DCAF8L2: variants seen among roughly 807,000 people sequenced by gnomAD.
DCAF8L2 encodes DDB1 and CUL4 associated factor 8 like 2.
For synonymous variants in DCAF8L2, 200 were observed against 190.9 expected, an observed-to-expected ratio of 1.05 and a Z score of -0.39; for missense variants, 430 against 490.7, an observed-to-expected ratio of 0.88 and a Z score of 1.17.
At chrX:27,590,777 T>A (rs1488095043) in intron 1 of DCAF8L2, among the ~76,000 whole-genome samples, 1 of 108,574 alleles carries the variant, frequency 9.2e-6, no homozygotes, top group Non-Finnish European at 1.9e-5. Flanking sequence ...ATAATTCATC[T>A]TATAATGTTA....
the DCAF8L2 span, among the ~76,000 whole-genome samples, chrX:27,493,202 C>T: frequency 8.9e-6 from 1 of 111,762 alleles, no homozygotes; most frequent in Non-Finnish European, 1.9e-5. Flanking sequence ...GATCACACCA[C>T]TGCAATCCAG....
chrX:27,651,039 T>A (rs188189328), intron 2 of DCAF8L2, among the ~76,000 whole-genome samples: 1 of 112,143 alleles, frequency 8.9e-6, no homozygotes, highest in Non-Finnish European at 1.9e-5. Context: ...TTTTACCACA[T>A]CTATTGAGAT....
intron 3 of DCAF8L2, among the ~76,000 whole-genome samples, chrX:27,695,132 C>A (rs974079054): frequency 8.9e-6 from 1 of 111,739 alleles, no homozygotes; most frequent in Non-Finnish European, 1.9e-5. Flanking sequence ...CTTAATTAAC[C>A]TCATGGTCCT....
chrX:27,571,020 C>G, the DCAF8L2 span, among the ~76,000 whole-genome samples: 1 of 111,863 alleles, frequency 8.9e-6, no homozygotes, highest in African/African-American at 3.2e-5. Flanking sequence ...TCCTACCTCT[C>G]TCTTATCCAT....
At chrX:27,533,603 G>A in the DCAF8L2 span, among the ~76,000 whole-genome samples, 1 of 111,510 alleles carries the variant, frequency 9.0e-6, no homozygotes, top group Non-Finnish European at 1.9e-5. Context: ...TGTACTTCAT[G>A]CTATGATACA....
the DCAF8L2 span, among the ~76,000 whole-genome samples, chrX:27,565,407 A>T: frequency 9.0e-6 from 1 of 111,587 alleles, no homozygotes; most frequent in Admixed American, 9.5e-5. Context: ...GATAAATTCC[A>T]TGTGGTCATG....
chrX:27,574,127 C>A, the DCAF8L2 span, among the ~76,000 whole-genome samples: 1 of 110,712 alleles, frequency 9.0e-6, no homozygotes, highest in African/African-American at 3.3e-5. Flanking sequence ...AGCCACCATG[C>A]CTGGCTTCAG....
chrX:27,570,970 T>C, the DCAF8L2 span, among the ~76,000 whole-genome samples: 2 of 111,440 alleles, frequency 1.8e-5, no homozygotes, highest in African/African-American at 6.5e-5. Context: ...TTTAGGAATA[T>C]CTGGTTTCAT....
intron 3 of DCAF8L2, among the ~76,000 whole-genome samples, chrX:27,702,657 T>G (rs1931175665): frequency 9.0e-6 from 1 of 111,025 alleles, no homozygotes; most frequent in Non-Finnish European, 1.9e-5. Flanking sequence ...TTCAACAACA[T>G]TTCATGATAA....
At chrX:27,580,282 A>G in the DCAF8L2 span, among the ~76,000 whole-genome samples, 1 of 111,434 alleles carries the variant, frequency 9.0e-6, no homozygotes, top group Non-Finnish European at 1.9e-5. Context: ...AATCAGGACT[A>G]TCTGTGCCCT....
Position 27,747,276 on chromosome X carries a change from G to GGAGAAA in DCAF8L2, c.384_385insAAAGAG (p.Glu128_Glu129insLysGlu). 1 of 1,091,716 alleles carries GGAGAAA rather than the reference G, an allele frequency of 9.2e-7. No homozygotes were observed. The allele number at this position is 1,091,716 out of a possible 1,213,427, so 90.0% of individuals were successfully genotyped here. On this transcript the variant is annotated inframe_insertion, in exon 5 of 5. Coordinates refer to ENST00000451261, the MANE Select transcript of DCAF8L2 (RefSeq NM_001353450.2). Reference sequence around the variant, plus strand: ...AGATACAAGAGGAGGGAGGGGAGGAGGAGGAAGAGGAGGAGGAGGAGGAGG... The same window carrying GGAGAAA: ...AGATACAAGAGGAGGGAGGGGAGGAGGAGAAAGAGGAAGAGGAGGAGGAGGAGGAGG...
intron 4 of DCAF8L2, among the ~76,000 whole-genome samples, chrX:27,744,107 A>G (rs771736700): frequency 8.3e-4 from 92 of 111,236 alleles, no homozygotes; most frequent in African/African-American, 2.9e-3. Context: ...GCTTCCTACT[A>G]CTTGCATGGG....
At chrX:27,707,200 G>A (rs1931372592) in intron 3 of DCAF8L2, among the ~76,000 whole-genome samples, 1 of 111,114 alleles carries the variant, frequency 9.0e-6, no homozygotes, top group Admixed American at 9.6e-5. Context: ...ATTAGATTGT[G>A]GTGATGGCTG....
At chrX:27,630,017 C>T (rs1165642554) in intron 1 of DCAF8L2, among the ~76,000 whole-genome samples, 1 of 111,473 alleles carries the variant, frequency 9.0e-6, no homozygotes, top group African/African-American at 3.3e-5. Context: ...AAAAGTCTTT[C>T]ACCTCCTCGG....
At chrX:27,585,046 A>G in the DCAF8L2 span, among the ~76,000 whole-genome samples, 2 of 81,798 alleles carry the variant, frequency 2.4e-5, no homozygotes, top group Admixed American at 1.2e-4. Context: ...TATGAAAAAC[A>G]ATATTGTTTT....
At chrX:27,481,430 A>G in the DCAF8L2 span, among the ~76,000 whole-genome samples, 5 of 111,292 alleles carry the variant, frequency 4.5e-5, no homozygotes, top group Non-Finnish European at 9.4e-5. Flanking sequence ...TCTTTATCAT[A>G]AGAACAATAG....
intron 2 of DCAF8L2, among the ~76,000 whole-genome samples, chrX:27,670,259 G>T (rs1929902410): frequency 9.0e-6 from 1 of 110,499 alleles, no homozygotes; most frequent in African/African-American, 3.3e-5. Flanking sequence ...TTCAGTCAGG[G>T]CCCCGATTTC....
At chrX:27,714,329 C>T (rs1218086686) in intron 3 of DCAF8L2, among the ~76,000 whole-genome samples, 1 of 111,111 alleles carries the variant, frequency 9.0e-6, no homozygotes, top group Non-Finnish European at 1.9e-5. Context: ...TATTGTTAAC[C>T]TTTAATTTTA....
At chrX:27,517,663 G>A in the DCAF8L2 span, 9 of 626,273 alleles carry the variant, frequency 1.4e-5, no homozygotes, top group Non-Finnish European at 2.4e-5. Flanking sequence ...ACTGGTATAA[G>A]TGCTTTGGCG....
Sources: allele counts gnomAD v4.1 joint callset (sites outside exome capture counted in the v4.1 genomes callset), GRCh38; gene constraint gnomAD v4.1.1; transcripts MANE v1.5; gene names NCBI Gene and HGNC (gene_info 2026-07-23, HGNC 2026-07-21).